Variants in ZNF585B observed in about 807,000 individuals in gnomAD.
ZNF585B encodes zinc finger protein 41-like protein.
Under a neutral mutation model 14.0 loss-of-function variants are expected in ZNF585B, and 7 were observed. That is an observed-to-expected ratio of 0.50 (90% CI 0.28 to 0.94). ZNF585B has a LOEUF of 0.94. Among genes scored for constraint, ZNF585B ranks in the 40% least tolerant of loss-of-function variants. The probability of loss-of-function intolerance (pLI) is 0.09; values close to 1 mark genes in which losing one functional copy is unlikely to be tolerated. For synonymous variants in ZNF585B, 290 were observed against 317.3 expected, an observed-to-expected ratio of 0.91 and a Z score of 0.91; for missense variants, 750 against 924.4, an observed-to-expected ratio of 0.81 and a Z score of 2.45.
At chr19:37,201,501 T>C (rs765202052) in intron 2 of ZNF585B, among the ~76,000 whole-genome samples, 1 of 152,188 alleles carries the variant, frequency 6.6e-6, no homozygotes, top group African/African-American at 2.4e-5. Flanking sequence ...AATAAAATCT[T>C]ATTGCTAAGA....
intron 2 of ZNF585B, among the ~76,000 whole-genome samples, chr19:37,197,938 T>C (rs1429320778): frequency 6.6e-6 from 1 of 152,018 alleles, no homozygotes; most frequent in African/African-American, 2.4e-5. Context: ...AATATGAAGG[T>C]GAGAAAAAGG....
chr19:37,202,729 G>A (rs1000696364), intron 2 of ZNF585B, among the ~76,000 whole-genome samples: 7 of 145,536 alleles, frequency 4.8e-5, no homozygotes, highest in Non-Finnish European at 7.5e-5. Flanking sequence ...TGCAACCTCC[G>A]CCACCTGAGT....
In ZNF585B at chr19:37,183,410, T is replaced by C. The variant is rs562970739; in HGVS notation, c.*1817A>G. ...GTGCATTTATGGAATGCCTGCTGTA[T>C]GGCAGTCATGGGTCTAGACTCATAG... On this transcript the variant is annotated 3_prime_UTR_variant, in exon 5 of 5. Transcript: ENST00000532828. 2.0e-5 allele frequency: 3 copies of C among 152,278 alleles called. No homozygotes were observed. Among genetic ancestry groups the C allele is most frequent in the African/African-American group, 7.2e-5 (3 of 41,554 alleles). 9.4% of individuals were successfully genotyped at this position (152,278 alleles called of 1,614,324 possible).
rs1972286215 is a variant in ZNF585B at position 37,183,687 on chromosome 19, T to C, written c.*1540A>G. 2.6e-5 allele frequency: 4 copies of C among 152,178 alleles called. 1 individual carries two copies. The South Asian group carries it at 8.3e-4, about 32-fold the overall frequency. 9.4% of individuals were successfully genotyped at this position (152,178 alleles called of 1,614,324 possible). A position where few individuals can be genotyped will look rare whatever the true frequency, so the allele number is the denominator to read the frequency against. The stretch of plus-strand genomic sequence containing the variant: ...GCACTGCAAATACAAAGGCCCTGAG[T>C]CAGGAACTGATGTTTGAGGCACATG... On this transcript the variant is annotated 3_prime_UTR_variant, in exon 5 of 5. Transcript: ENST00000532828.
Position 37,187,092 on chromosome 19 carries a change from G to C in ZNF585B, c.445C>G (p.Leu149Val). 6.2e-7 allele frequency: 1 copy of C among 1,614,040 alleles called. No homozygotes were observed. The highest frequency in any genetic ancestry group is 8.5e-7 in the Non-Finnish European group (1 of 1,180,016). ...AGTTTTTCTCCTGTAGGAACTTTCA[G>C]ATGTACCTTGAACTGTGACTTCCAG... ...FTWKSQFKVHLKVPTGEKLYV... is the reference protein window; with the variant it reads ...FTWKSQFKVHVKVPTGEKLYV... The change falls in exon 5 of 5, where the codon CTG becomes GTG. Residue 149 changes from leucine to valine, a missense_variant. Physicochemically the swap from Leu to Val is conservative, Grantham distance 32 (BLOSUM62 1). This residue lies in a region of ZNF585B where 517 missense variants were observed against 570.3 expected (regional missense o/e 0.91). Coordinates refer to ENST00000532828, the MANE Select transcript of ZNF585B (RefSeq NM_152279.4).
chr19:37,182,443 T>G lies in ZNF585B; in HGVS notation c.*2784A>C, dbSNP rs908851140. 1 of 152,160 alleles carries G rather than the reference T, an allele frequency of 6.6e-6. No homozygotes were observed. The highest frequency in any genetic ancestry group is 2.4e-5 in the African/African-American group (1 of 41,442). 9.4% of individuals were successfully genotyped at this position (152,160 alleles called of 1,614,324 possible). A position where few individuals can be genotyped will look rare whatever the true frequency, so the allele number is the denominator to read the frequency against. On this transcript the variant is annotated 3_prime_UTR_variant, in exon 5 of 5. Transcript: ENST00000532828. ...GTCCTAAGTTGGGGATAATGTTGTA[T>G]CACAAAATATCCAAAACTGAAGGAA...
Position 37,182,814 on chromosome 19 carries a change from A to G in ZNF585B, c.*2413T>C, listed in dbSNP as rs1241521517. The G allele has an allele frequency of 6.6e-6, 1 of 152,368 alleles. No homozygotes were observed. The allele number at this position is 152,368 out of a possible 1,614,324, so 9.4% of individuals were successfully genotyped here. A position where few individuals can be genotyped will look rare whatever the true frequency, so the allele number is the denominator to read the frequency against. On this transcript the variant is annotated 3_prime_UTR_variant, in exon 5 of 5. Transcript: ENST00000532828. ...ATAGTTCCCACTCCCAGAACTGCCA[A>G]TAGACTGGCCCCAGACGCCACCCAG... is the stretch of plus-strand genomic sequence containing the variant.
rs927465525 is a variant in ZNF585B at position 37,182,058 on chromosome 19, T to C, written c.*3169A>G. On this transcript the variant is annotated 3_prime_UTR_variant, in exon 5 of 5. Coordinates refer to ENST00000532828, the MANE Select transcript of ZNF585B (RefSeq NM_152279.4). ...GTACCACTCTGAAGGGGGATGTTGA[T>C]GATGGGGGAGGCTGTGTATATGTGA... is the stretch of plus-strand genomic sequence containing the variant. 6.6e-6 allele frequency: 1 copy of C among 152,066 alleles called. No homozygotes were observed. Among genetic ancestry groups the C allele is most frequent in the Non-Finnish European group, 1.5e-5 (1 of 68,004 alleles). The allele number at this position is 152,066 out of a possible 1,614,324, so 9.4% of individuals were successfully genotyped here. A position where few individuals can be genotyped will look rare whatever the true frequency, so the allele number is the denominator to read the frequency against.
intron 1 of ZNF585B, among the ~76,000 whole-genome samples, chr19:37,208,796 A>G (rs1972614279): frequency 6.6e-6 from 1 of 152,188 alleles, no homozygotes; most frequent in African/African-American, 2.4e-5. Flanking sequence ...GTTCGAGACC[A>G]GCCTGGCCAA....
chr19:37,189,975 A>C, intron 3 of ZNF585B, 49 bp downstream of exon 3: 1 of 1,604,708 alleles, frequency 6.2e-7, no homozygotes, highest in Non-Finnish European at 8.5e-7. Context: ...TGAGAATGAA[A>C]ACACTCTCAG....
intron 4 of ZNF585B, 41 bp from the exon 5 acceptor site, chr19:37,187,285 AC>A: frequency 7.1e-7 from 1 of 1,413,920 alleles, no homozygotes; most frequent in Non-Finnish European, 9.7e-7. Context: ...AAGACATTTT[AC>A]CATAGTTAGT....
At chr19:37,209,725 T>C (rs987746532) in intron 1 of ZNF585B, among the ~76,000 whole-genome samples, 1 of 123,734 alleles carries the variant, frequency 8.1e-6, no homozygotes, top group Non-Finnish European at 1.6e-5. Context: ...GTGCACTTCT[T>C]TTTTTTTTTT....
chr19:37,200,017 T>C (rs1972513656), intron 2 of ZNF585B, among the ~76,000 whole-genome samples: 2 of 151,474 alleles, frequency 1.3e-5, no homozygotes, highest in South Asian at 4.2e-4. Flanking sequence ...CACTCCAGTC[T>C]GGGCAACAAG....
Position 37,184,776 on chromosome 19 carries a change from T to C in ZNF585B, c.*451A>G, listed in dbSNP as rs1048357020. 23 of 391,940 alleles carry C rather than the reference T, an allele frequency of 5.9e-5. No homozygotes were observed. Among genetic ancestry groups the C allele is most frequent in the African/African-American group, 4.8e-4 (23 of 48,420 alleles). The allele number at this position is 391,940 out of a possible 1,614,324, so 24.3% of individuals were successfully genotyped here. ...ATTCAAAAGAAGAAAATACCCACAA[T>C]TCTACTAGACAGTGTGTTCTGGAAC... On this transcript the variant is annotated 3_prime_UTR_variant, in exon 5 of 5. Coordinates refer to ENST00000532828, the MANE Select transcript of ZNF585B (RefSeq NM_152279.4).
chr19:37,204,464 A>C (rs958886384), intron 2 of ZNF585B, among the ~76,000 whole-genome samples: 1 of 152,248 alleles, frequency 6.6e-6, no homozygotes, highest in African/African-American at 2.4e-5. Context: ...TCATGGTGTA[A>C]GATGATACCA....
Position 37,186,988 on chromosome 19 carries a change from C to G in ZNF585B, c.549G>C (p.Glu183Asp). ...CACATTCATTGCACTTATAGGGCTT[C>G]TCTCTCATATGGGTTTTCTGATGTG... ...FITHQKTHMR[E>D]KPYKCNECGK... Residue 183 changes from glutamate to aspartate, a missense_variant, in exon 5 of 5, where the codon GAG (glutamate) becomes GAC (aspartate). Around this residue, in one of 2 missense-constraint regions of ZNF585B, gnomAD observed 517 missense variants for 570.3 expected, o/e 0.91. Transcript: ENST00000532828. 6.2e-7 allele frequency: 1 copy of G among 1,613,808 alleles called. No individual in the cohort carries two copies. Among genetic ancestry groups the G allele is most frequent in the South Asian group, 1.1e-5 (1 of 90,978 alleles).
chr19:37,185,768 T>A lies in ZNF585B; in HGVS notation c.1769A>T (p.Lys590Met). 6.3e-7 allele frequency: 1 copy of A among 1,594,846 alleles called. No homozygotes were observed. The highest frequency in any genetic ancestry group is 1.1e-5 in the South Asian group (1 of 89,102). Residue 590 changes from lysine (K) to methionine (M), a missense_variant, in exon 5 of 5, where the codon AAG becomes ATG. By Grantham distance (95) the Lys-to-Met change is moderately conservative (BLOSUM62 -1). Coordinates refer to ENST00000532828, the MANE Select transcript of ZNF585B (RefSeq NM_152279.4). ...CTECGRAFIR[K>M]SNFITHQRIH... Reference sequence around the variant, plus strand: ...TCTTTGATGAGTAATAAAGTTTGACTTGCGGATGAAAGCTCTTCCACACTC... The same window carrying A: ...TCTTTGATGAGTAATAAAGTTTGACATGCGGATGAAAGCTCTTCCACACTC...
At chr19:37,202,338 G>T (rs1172117810) in intron 2 of ZNF585B, among the ~76,000 whole-genome samples, 1 of 152,128 alleles carries the variant, frequency 6.6e-6, no homozygotes, top group African/African-American at 2.4e-5. Flanking sequence ...GAATACATTT[G>T]ACTTCTGAAT....
chr19:37,188,667 TCAAACAAACAAA>T (rs111426515), intron 4 of ZNF585B, among the ~76,000 whole-genome samples: 2 of 150,236 alleles, frequency 1.3e-5, no homozygotes, highest in Non-Finnish European at 3.0e-5. Context: ...AGACTCCCTC[TCAAACAAACAAA>T]CAAACAAACA....
Sources: gnomAD v4.1 joint callset for allele counts (sites outside exome capture counted in the v4.1 genomes callset) on GRCh38, gnomAD v4.1.1 for gene constraint, gnomAD v4.1.1 regional missense constraint, MANE v1.5 for transcripts, NCBI Gene and HGNC (gene_info 2026-07-23, HGNC 2026-07-21) for gene names.